Variants in PPIL6 observed in about 807,000 individuals in gnomAD.
PPIL6 encodes probable inactive peptidyl-prolyl cis-trans isomerase-like 6.
In PPIL6, 39 loss-of-function variants were observed where a neutral mutation model predicts 36.8. The observed-to-expected ratio is 1.06, with a 90% confidence interval of 0.82 to 1.38. The LOEUF (loss-of-function observed/expected upper bound fraction) is 1.38, where lower values mean the gene tolerates loss of function less well. Among genes scored for constraint, PPIL6 ranks in the 40% most tolerant of loss-of-function variants. The pLI is 0.00. For missense variants in PPIL6, 368 were observed against 379.1 expected (o/e 0.97, Z 0.24); for synonymous variants, 123 against 134.1 (o/e 0.92, Z 0.57).
In PPIL6 at chr6:109,391,440, C is replaced by T. The variant is rs1772097433; in HGVS notation, c.*1386G>A. On this transcript the variant is annotated 3_prime_UTR_variant, in exon 8 of 8. Coordinates refer to ENST00000521072, the MANE Select transcript of PPIL6 (RefSeq NM_173672.5). ...CTACATTACACCATGGGGACTGGAA[C>T]CAGTTCCTTATGTCTTGCAGTGATT... 6.6e-6 allele frequency: 1 copy of T among 151,996 alleles called. No individual in the cohort carries two copies. Among genetic ancestry groups the T allele is most frequent in the African/African-American group, 2.4e-5 (1 of 41,364 alleles). The allele number at this position is 151,996 out of a possible 1,614,324, so 9.4% of individuals were successfully genotyped here. A position where few individuals can be genotyped will look rare whatever the true frequency, so the allele number is the denominator to read the frequency against.
In PPIL6 at chr6:109,440,450, G is replaced by A. The variant is rs374376223; in HGVS notation, c.135+6C>T. ...CCGCCCACGACGGAGGTTTCTCTGT[G>A]GTTACCTCAGCGGCGCTCTTCGCAA... On this transcript the variant is annotated splice_donor_region_variant and intron_variant, in intron 1 of 7. Transcript: ENST00000521072. The A allele has an allele frequency of 6.5e-6, 10 of 1,540,986 alleles. No homozygotes were observed. In the African/African-American group the frequency reaches 1.3e-4, roughly 19 times the overall value.
chr6:109,408,738 T>C (rs976391474), intron 6 of PPIL6, among the ~76,000 whole-genome samples: 25 of 152,192 alleles, frequency 1.6e-4, no homozygotes, highest in Admixed American at 1.6e-3. Flanking sequence ...GAGATACGTA[T>C]CATCTAAATG....
intron 6 of PPIL6, among the ~76,000 whole-genome samples, chr6:109,408,203 C>G (rs555521328): frequency 4.6e-5 from 7 of 152,158 alleles, no homozygotes; most frequent in African/African-American, 9.7e-5. Flanking sequence ...ATTTCCTTTG[C>G]TTGAGTTCAT....
chr6:109,425,147 A>G (rs964250888), intron 5 of PPIL6, among the ~76,000 whole-genome samples: 2 of 152,210 alleles, frequency 1.3e-5, no homozygotes, highest in Non-Finnish European at 2.9e-5. Context: ...ATCCTGTGAT[A>G]TTCTTATCAT....
intron 6 of PPIL6, among the ~76,000 whole-genome samples, chr6:109,400,860 AT>A (rs994867120): frequency 6.7e-6 from 1 of 149,760 alleles, no homozygotes; most frequent in Non-Finnish European, 1.5e-5. Context: ...TTCAAATAAA[AT>A]TTTTTTTTTG....
intron 7 of PPIL6, among the ~76,000 whole-genome samples, chr6:109,398,135 C>A (rs1772377882): frequency 6.6e-6 from 1 of 152,180 alleles, no homozygotes; most frequent in Non-Finnish European, 1.5e-5. Context: ...CATGATCTAC[C>A]CGCCTTGGCC....
At chr6:109,404,770 A>T (rs1293492595) in intron 6 of PPIL6, among the ~76,000 whole-genome samples, 1 of 152,184 alleles carries the variant, frequency 6.6e-6, no homozygotes, top group South Asian at 2.1e-4. Flanking sequence ...TTCAATAAAG[A>T]TATCTTTTCG....
intron 6 of PPIL6, among the ~76,000 whole-genome samples, chr6:109,412,365 A>G (rs903695345): frequency 6.6e-6 from 1 of 152,252 alleles, no homozygotes; most frequent in Non-Finnish European, 1.5e-5. Context: ...TACCAATGAC[A>G]TTCTTCATGG....
intron 1 of PPIL6, among the ~76,000 whole-genome samples, chr6:109,437,702 C>G (rs3757239): frequency 6.6e-6 from 1 of 151,722 alleles, no homozygotes; most frequent in African/African-American, 2.4e-5. Flanking sequence ...TTACAGGCAC[C>G]CGCCACCACG....
At chr6:109,420,368 T>C (rs1251830897) in intron 5 of PPIL6, among the ~76,000 whole-genome samples, 1 of 119,842 alleles carries the variant, frequency 8.3e-6, no homozygotes, top group Non-Finnish European at 1.8e-5. Flanking sequence ...AAAAAGAATA[T>C]GAATAAAAAA....
chr6:109,425,712 T>G (rs767972819), intron 5 of PPIL6, among the ~76,000 whole-genome samples: 1 of 140,664 alleles, frequency 7.1e-6, no homozygotes, highest in East Asian at 2.1e-4. Context: ...ATCGTGCCAC[T>G]GCACTACAGC....
intron 2 of PPIL6, among the ~76,000 whole-genome samples, chr6:109,431,897 T>C (rs571876023): frequency 6.6e-6 from 1 of 152,330 alleles, no homozygotes; most frequent in South Asian, 2.1e-4. Context: ...GAGCCTCTAT[T>C]TTGTTCTCTG....
intron 2 of PPIL6, among the ~76,000 whole-genome samples, chr6:109,431,716 A>G (rs1442092786): frequency 6.6e-6 from 1 of 152,208 alleles, no homozygotes; most frequent in East Asian, 1.9e-4. Context: ...TCCACTTACT[A>G]TGTGGGCTCT....
At chr6:109,436,309 G>A (rs1172638121) in intron 1 of PPIL6, 110 bp from the exon 2 acceptor site, 5 of 659,026 alleles carry the variant, frequency 7.6e-6, no homozygotes, top group Non-Finnish European at 1.1e-5. Context: ...CACAAGCCCA[G>A]GCCATGCAGT....
rs758158097 is a variant in PPIL6 at position 109,392,929 on chromosome 6, A to G, written c.833T>C (p.Ile278Thr). Residue 278 changes from isoleucine (I) to threonine (T), a missense_variant, in exon 8 of 8, where the codon ATT (isoleucine) becomes ACT (threonine). Coordinates refer to ENST00000521072, the MANE Select transcript of PPIL6 (RefSeq NM_173672.5). ...TTGTTTAAGCACTTCTGTTCCTTCA[A>G]TCAGTTGCCTACATAGGAGAAAAAA... ...DRKFVAFGQL[I>T]EGTEVLKQLE... The G allele has an allele frequency of 3.7e-6, 6 of 1,600,468 alleles. No individual in the cohort carries two copies. The highest frequency in any genetic ancestry group is 5.1e-6 in the Non-Finnish European group (6 of 1,172,340).
In PPIL6 at chr6:109,431,237, C is replaced by T; in HGVS notation, c.340G>A (p.Asp114Asn). The T allele has an allele frequency of 1.9e-6, 3 of 1,613,914 alleles. No homozygotes were observed. The highest frequency in any genetic ancestry group is 1.1e-5 in the South Asian group (1 of 91,064). Reference protein sequence around the residue: ...DLQKWAHEVWDIVDIKPSALY... With the variant: ...DLQKWAHEVWNIVDIKPSALY... ...GCAGAGGGTTTAATGTCAACTATAT[C>T]CCACACCTCGTGGGCCCATTTCTGC... is the stretch of plus-strand genomic sequence containing the variant. The change falls in exon 3 of 8, where the codon GAT (aspartate) becomes AAT (asparagine). Residue 114 changes from aspartate to asparagine, a missense_variant. By Grantham distance (23) the Asp-to-Asn change is conservative. Transcript: ENST00000521072.
At chr6:109,440,779 G>C (rs1285512271), upstream of PPIL6, 4 of 343,124 alleles carry the variant, frequency 1.2e-5, no homozygotes, top group African/African-American at 2.2e-5. Flanking sequence ...GCGACCGCCG[G>C]GGACGAGCTT....
chr6:109,401,097 C>CA (rs1177604875), intron 6 of PPIL6, among the ~76,000 whole-genome samples: 1 of 143,448 alleles, frequency 7.0e-6, no homozygotes, highest in Non-Finnish European at 1.5e-5. Flanking sequence ...AGGATGGTCT[C>CA]AATCTCCTGA....
rs1415415033 is a variant in PPIL6 at position 109,436,090 on chromosome 6, C to T, written c.231+14G>A. 2.8e-6 allele frequency: 4 copies of T among 1,421,862 alleles called. No individual in the cohort carries two copies. Among genetic ancestry groups the T allele is most frequent in the Non-Finnish European group, 4.0e-6 (4 of 1,006,040 alleles). 88.1% of individuals were successfully genotyped at this position (1,421,862 alleles called of 1,614,324 possible). ...CTTGTTGTCTATATCCCCCACACCC[C>T]AAATATCCTTTACCCTTTTTTTCTC... On this transcript the variant is annotated intron_variant, in intron 2 of 7. Transcript: ENST00000521072.
Sources: allele counts gnomAD v4.1 joint callset (sites outside exome capture counted in the v4.1 genomes callset), GRCh38; gene constraint gnomAD v4.1.1; transcripts MANE v1.5; gene names NCBI Gene and HGNC (gene_info 2026-07-23, HGNC 2026-07-21).